CYFIP2: variants seen among roughly 807,000 people sequenced by gnomAD.
CYFIP2 encodes cytoplasmic FMR1-interacting protein 2.
CYFIP2 carries 29 observed loss-of-function variants against 158.7 expected under a neutral mutation model. That is an observed-to-expected ratio of 0.18 (90% CI 0.14 to 0.25). The LOEUF (loss-of-function observed/expected upper bound fraction) is 0.25, where lower values mean the gene tolerates loss of function less well. CYFIP2 is among the 10% of genes least tolerant of loss of function. The pLI, the probability that CYFIP2 is intolerant of heterozygous loss-of-function variation, is 1.00. For missense variants in CYFIP2, 852 were observed against 1,639.5 expected (o/e 0.52, Z 8.29); for synonymous variants, 585 against 617.6 (o/e 0.95, Z 0.78).
chr5:157,353,146 A>G (rs575582275), intron 23 of CYFIP2, among the ~76,000 whole-genome samples: 16 of 152,336 alleles, frequency 1.1e-4, no homozygotes, highest in African/African-American at 3.8e-4. Context: ...GGTAATTGTT[A>G]GAGCAGCCAC....
At position 157,300,897 on chromosome 5, in the gene CYFIP2, G is replaced by T; in HGVS notation, c.569+1G>T. 2 of 1,560,576 alleles carry T rather than the reference G, an allele frequency of 1.3e-6. No individual in the cohort carries two copies. Among genetic ancestry groups the T allele is most frequent in the Non-Finnish European group, 1.7e-6 (2 of 1,147,382 alleles). On this transcript the variant is annotated splice_donor_variant, in intron 6 of 30. Transcript: ENST00000620254. LOFTEE classifies it high-confidence loss of function. ...AGAATGACCACTCTGCCTACAAGAG[G>T]TCAGGGCAACCTCCCCCTCTCCCCT...
intron 21 of CYFIP2, 74 bp downstream of exon 21, chr5:157,333,520 T>C (rs1761635816): frequency 8.7e-6 from 14 of 1,603,914 alleles, no homozygotes; most frequent in Non-Finnish European, 1.2e-5. Flanking sequence ...GGACTGTAGT[T>C]AGTCTAGTGC....
At chr5:157,368,226 TTTTAGAC>T (rs1464776033) in intron 26 of CYFIP2, among the ~76,000 whole-genome samples, 1 of 152,218 alleles carries the variant, frequency 6.6e-6, no homozygotes, top group African/African-American at 2.4e-5. Flanking sequence ...GTCTCTCACT[TTTTAGAC>T]TTTAAATTAT....
chr5:157,300,489 C>T (rs186916390), intron 5 of CYFIP2, among the ~76,000 whole-genome samples: 3 of 149,802 alleles, frequency 2.0e-5, no homozygotes, highest in Non-Finnish European at 4.4e-5. Context: ...GAGCCGAGAT[C>T]GCACCGCTGC....
At chr5:157,356,606 C>T (rs1209946329) in intron 23 of CYFIP2, among the ~76,000 whole-genome samples, 1 of 152,156 alleles carries the variant, frequency 6.6e-6, no homozygotes, top group Non-Finnish European at 1.5e-5. Flanking sequence ...CTCCTCCTCC[C>T]ACCAGAGGTA....
At chr5:157,271,711 A>G (rs1756108980) in intron 1 of CYFIP2, 2 of 152,152 alleles carry the variant, frequency 1.3e-5, no homozygotes, top group Non-Finnish European at 2.9e-5. Flanking sequence ...GCCCTTTTAG[A>G]GTGAGTGAAA....
chr5:157,308,955 A>C (rs1759472838), intron 9 of CYFIP2, among the ~76,000 whole-genome samples: 1 of 152,202 alleles, frequency 6.6e-6, no homozygotes, highest in African/African-American at 2.4e-5. Context: ...CAAGTCTGAA[A>C]AATATGAATA....
At chr5:157,348,708 C>T (rs899637385) in intron 23 of CYFIP2, among the ~76,000 whole-genome samples, 6 of 152,114 alleles carry the variant, frequency 3.9e-5, no homozygotes, top group South Asian at 4.2e-4. Flanking sequence ...CACTGCCCCC[C>T]GCCTCACCTG....
chr5:157,324,787 T>A (rs1302518730), intron 16 of CYFIP2: 1 of 151,360 alleles, frequency 6.6e-6, no homozygotes, highest in Non-Finnish European at 1.5e-5. Flanking sequence ...TCTTGCTCTG[T>A]TGCCCAGGTT....
intron 2 of CYFIP2, among the ~76,000 whole-genome samples, chr5:157,286,070 C>T (rs1204291530): frequency 3.9e-5 from 6 of 152,116 alleles, no homozygotes; most frequent in African/African-American, 1.4e-4. Context: ...TGTGTTTGAC[C>T]TTTTGATAGT....
chr5:157,343,321 G>A (rs1002137431), intron 23 of CYFIP2: 1 of 1,614,228 alleles, frequency 6.2e-7, no homozygotes, highest in Non-Finnish European at 8.5e-7. Flanking sequence ...TGCACAGGAA[G>A]TAGAGAGTGG....
chr5:157,383,135 A>T, intron 27 of CYFIP2, 130 bp from the exon 28 acceptor site: 2 of 726,442 alleles, frequency 2.8e-6, no homozygotes, highest in Non-Finnish European at 2.4e-6. Context: ...AGAACGAAGG[A>T]GAGCAGTTCC....
At chr5:157,323,656 C>A (rs891114316) in intron 15 of CYFIP2, among the ~76,000 whole-genome samples, 3 of 152,194 alleles carry the variant, frequency 2.0e-5, no homozygotes, top group Non-Finnish European at 2.9e-5. Context: ...CTGATATACA[C>A]GCCCTTGGCC....
intron 21 of CYFIP2, 84 bp from the exon 22 acceptor site, chr5:157,338,973 G>T: frequency 2.2e-6 from 3 of 1,386,184 alleles, no homozygotes; most frequent in Non-Finnish European, 2.9e-6. Context: ...TGTCACTTGC[G>T]TGAACAGAAG....
chr5:157,301,829 C>T (rs1041773354), intron 6 of CYFIP2, among the ~76,000 whole-genome samples: 4 of 152,072 alleles, frequency 2.6e-5, no homozygotes, highest in African/African-American at 9.7e-5. Flanking sequence ...AACCAGTATA[C>T]AGCCACCCAG....
intron 23 of CYFIP2, among the ~76,000 whole-genome samples, chr5:157,354,996 T>A (rs1304089035): frequency 6.6e-6 from 1 of 152,042 alleles, no homozygotes; most frequent in Non-Finnish European, 1.5e-5. Flanking sequence ...TTCAGCTTGA[T>A]CCTCTAGAGG....
intron 15 of CYFIP2, among the ~76,000 whole-genome samples, chr5:157,321,237 C>T (rs573188889): frequency 6.6e-6 from 1 of 152,326 alleles, no homozygotes; most frequent in Non-Finnish European, 1.5e-5. Context: ...AAAGTTCTGC[C>T]TCTGACTTGC....
chr5:157,284,538 A>G (rs1757226595), intron 1 of CYFIP2, among the ~76,000 whole-genome samples: 1 of 152,212 alleles, frequency 6.6e-6, no homozygotes, highest in African/African-American at 2.4e-5. Flanking sequence ...AGTGTTTCAC[A>G]TATGTTTGGG....
intron 1 of CYFIP2, among the ~76,000 whole-genome samples, chr5:157,279,513 C>T (rs1756824938): frequency 6.6e-6 from 1 of 152,246 alleles, no homozygotes; most frequent in African/African-American, 2.4e-5. Flanking sequence ...GGGACCCACC[C>T]CCCTCTTGCT....
Sources: gnomAD v4.1 joint callset for allele counts (sites outside exome capture counted in the v4.1 genomes callset) on GRCh38, gnomAD v4.1.1 for gene constraint, MANE v1.5 for transcripts, NCBI Gene and HGNC (gene_info 2026-07-23, HGNC 2026-07-21) for gene names.